Variants in NETO1 observed in about 807,000 individuals in gnomAD.
NETO1 encodes the protein neuropilin and tolloid-like protein 1.
In NETO1, 26 loss-of-function variants were observed where a neutral mutation model predicts 61.3. That is an observed-to-expected ratio of 0.42 (90% CI 0.31 to 0.59). The LOEUF (loss-of-function observed/expected upper bound fraction) is 0.59, where lower values mean the gene tolerates loss of function less well. Among genes scored for constraint, NETO1 ranks in the 20% least tolerant of loss-of-function variants. The pLI is 0.12. For synonymous variants in NETO1, 225 were observed against 225.8 expected (o/e 1.00, Z 0.03); for missense variants, 531 against 662.8 (o/e 0.80, Z 2.18).
intron 4 of NETO1, among the ~76,000 whole-genome samples, chr18:72,813,345 A>G (rs1387475731): frequency 6.6e-6 from 1 of 152,230 alleles, no homozygotes; most frequent in East Asian, 1.9e-4. Flanking sequence ...GCAGGAATAT[A>G]ACTTCATTCT....
intron 4 of NETO1, among the ~76,000 whole-genome samples, chr18:72,847,311 T>C (rs1336682987): frequency 6.6e-6 from 1 of 152,160 alleles, no homozygotes; most frequent in Non-Finnish European, 1.5e-5. Flanking sequence ...AAGTGAGGTG[T>C]CTGAAGGTAG....
intron 4 of NETO1, among the ~76,000 whole-genome samples, chr18:72,807,262 T>C (rs1239832921): frequency 6.6e-6 from 1 of 152,196 alleles, no homozygotes; most frequent in Non-Finnish European, 1.5e-5. Context: ...GCACAGAGTA[T>C]ATATAACCTG....
chr18:72,758,181 T>C (rs1331035690), intron 7 of NETO1, among the ~76,000 whole-genome samples: 4 of 152,172 alleles, frequency 2.6e-5, no homozygotes, highest in African/African-American at 9.6e-5. Flanking sequence ...GGATTGTGTC[T>C]GTTTCTGCTG....
intron 4 of NETO1, among the ~76,000 whole-genome samples, chr18:72,828,550 T>C (rs146197100): frequency 1.3e-5 from 2 of 152,330 alleles, no homozygotes; most frequent in African/African-American, 4.8e-5. Flanking sequence ...CAAACTATAA[T>C]TGAAAGTTGG....
downstream of NETO1, chr18:72,742,917 TAA>T (rs1208744713): frequency 6.6e-6 from 1 of 152,148 alleles, no homozygotes. Flanking sequence ...CTTGAAACAA[TAA>T]AGTATAGTAG....
At chr18:72,835,769 G>A (rs1251610415) in intron 4 of NETO1, among the ~76,000 whole-genome samples, 1 of 152,100 alleles carries the variant, frequency 6.6e-6, no homozygotes, top group East Asian at 1.9e-4. Context: ...GAAATAAATG[G>A]GTGAGAAGAA....
chr18:72,769,585 T>A (rs1325167945), intron 7 of NETO1, among the ~76,000 whole-genome samples: 3 of 152,160 alleles, frequency 2.0e-5, no homozygotes, highest in South Asian at 2.1e-4. Flanking sequence ...CATATTTATT[T>A]TAGAAAAATT....
chr18:72,816,344 G>A (rs995627934), intron 4 of NETO1, among the ~76,000 whole-genome samples: 7 of 152,148 alleles, frequency 4.6e-5, no homozygotes, highest in Non-Finnish European at 1.0e-4. Flanking sequence ...AATGCCTGAG[G>A]AACTGGACTA....
chr18:72,844,328 G>A (rs951186010), intron 4 of NETO1, among the ~76,000 whole-genome samples: 3 of 152,014 alleles, frequency 2.0e-5, no homozygotes, highest in African/African-American at 2.4e-5. Flanking sequence ...TATTTTAATC[G>A]TCTTATTTTT....
At chr18:72,751,026 A>G (rs923456060) in intron 8 of NETO1, among the ~76,000 whole-genome samples, 2 of 114,974 alleles carry the variant, frequency 1.7e-5, no homozygotes, top group African/African-American at 6.8e-5. Flanking sequence ...CCCCCTCCCC[A>G]TCGTCCAGCA....
chr18:72,821,160 T>C (rs1020312348), intron 4 of NETO1, among the ~76,000 whole-genome samples: 1 of 149,412 alleles, frequency 6.7e-6, no homozygotes, highest in Admixed American at 6.7e-5. Flanking sequence ...AATTATATCC[T>C]GTCCTCTCCT....
Position 72,771,287 on chromosome 18 carries a change from G to A in NETO1, c.868+12391C>T, listed in dbSNP as rs183832333. The stretch of plus-strand genomic sequence containing the variant: ...TCAGTAGAGCAAATATCCAGCTAAC[G>A]TAAACAAACGCTGCAGAGAAAAACT... On this transcript the variant is annotated intron_variant, in intron 7 of 10. Transcript: ENST00000327305. Among the ~76,000 whole-genome samples the A allele has an allele frequency of 1.2e-4, 18 of 152,260 alleles. No individual in the cohort carries two copies. The East Asian group carries it at 2.5e-3, about 21-fold the overall frequency.
At position 72,789,960 on chromosome 18, in the gene NETO1, C is replaced by T. The variant is rs79245520; in HGVS notation, c.639+4157G>A. On this transcript the variant is annotated intron_variant, in intron 6 of 10. Coordinates refer to ENST00000327305, the MANE Select transcript of NETO1 (RefSeq NM_138966.5). The stretch of plus-strand genomic sequence containing the variant: ...AATCCCAGCAATTGGGGCTGGAAAT[C>T]TGTGTTCATTAGATAAGTAACTTTA... 6.0e-3 allele frequency among the ~76,000 whole-genome samples: 909 copies of T among 152,300 alleles called. 11 individuals are homozygous for T. The highest frequency in any genetic ancestry group is 0.02 in the African/African-American group (847 of 41,562).
At chr18:72,742,317 G>A (rs1040194036), downstream of NETO1, 1 of 152,156 alleles carries the variant, frequency 6.6e-6, no homozygotes, top group Non-Finnish European at 1.5e-5. Context: ...AGAGTCATTG[G>A]ATTTGGAAAG....
chr18:72,853,837 G>T (rs1041652371), intron 4 of NETO1, among the ~76,000 whole-genome samples: 2 of 151,184 alleles, frequency 1.3e-5, no homozygotes, highest in Admixed American at 1.3e-4. Flanking sequence ...AAATTTAAAT[G>T]AAACTTTAGT....
At chr18:72,797,153 C>T (rs2072344361) in intron 4 of NETO1, among the ~76,000 whole-genome samples, 2 of 152,106 alleles carry the variant, frequency 1.3e-5, no homozygotes. Context: ...TACTCATTAT[C>T]TCCTTCTTGA....
At chr18:72,832,080 T>A (rs1356951223) in intron 4 of NETO1, among the ~76,000 whole-genome samples, 1 of 152,212 alleles carries the variant, frequency 6.6e-6, no homozygotes, top group Non-Finnish European at 1.5e-5. Context: ...GTGTCTGATT[T>A]TCAATTATTT....
At chr18:72,865,595 C>A in intron 1 of NETO1, 4 of 1,606,718 alleles carry the variant, frequency 2.5e-6, no homozygotes, top group Non-Finnish European at 3.4e-6. Context: ...GCTCTGCCAG[C>A]ATCTCTGAAT....
At chr18:72,754,152 T>C (rs1452071103) in intron 8 of NETO1, among the ~76,000 whole-genome samples, 1 of 152,154 alleles carries the variant, frequency 6.6e-6, no homozygotes, top group East Asian at 1.9e-4. Context: ...CTAAGCTGTA[T>C]GTTTTAAGTC....
Sources: allele counts gnomAD v4.1 joint callset (sites outside exome capture counted in the v4.1 genomes callset), GRCh38; gene constraint gnomAD v4.1.1; transcripts MANE v1.5; gene names NCBI Gene and HGNC (gene_info 2026-07-23, HGNC 2026-07-21).